Variants in ARID5B observed in about 807,000 individuals in gnomAD.
ARID5B encodes AT-rich interactive domain-containing protein 5B.
In ARID5B, 13 loss-of-function variants were observed where a neutral mutation model predicts 97.2. That is an observed-to-expected ratio of 0.13 (90% CI 0.09 to 0.21). The LOEUF is 0.21. Ranked by LOEUF, ARID5B falls within the 10% of genes least tolerant of loss-of-function variation. ARID5B has a pLI of 1.00. For synonymous variants in ARID5B, 556 were observed against 570.3 expected (o/e 0.97, Z 0.36); for missense variants, 1,210 against 1,465.3 (o/e 0.83, Z 2.84).
At chr10:61,970,929 A>T (rs998637513) in intron 3 of ARID5B, among the ~76,000 whole-genome samples, 1 of 151,996 alleles carries the variant, frequency 6.6e-6, no homozygotes, top group East Asian at 1.9e-4. Flanking sequence ...ATTTTTCTGT[A>T]AGTAGATTGA....
At chr10:61,955,406 C>A (rs547548341) in intron 3 of ARID5B, among the ~76,000 whole-genome samples, 3 of 152,124 alleles carry the variant, frequency 2.0e-5, no homozygotes, top group Non-Finnish European at 4.4e-5. Context: ...AATTTCATGA[C>A]CATGTCTTGA....
Position 62,091,590 on chromosome 10 carries a change from T to C in ARID5B, c.2127T>C (p.Pro709=). ...GGGCCAGCCTCTCCAGCAGCTACCC[T>C]TATGGCTCCCCACCCCCTTTGATCA... ...VSGASLSSSY[P]YGSPPPLISK... The change falls in exon 10 of 10, where the codon CCT becomes CCC. Residue 709 remains proline, a synonymous_variant. Transcript: ENST00000279873. The C allele has an allele frequency of 1.2e-6, 2 of 1,612,940 alleles. No homozygotes were observed. The highest frequency in any genetic ancestry group is 1.7e-6 in the Non-Finnish European group (2 of 1,179,542).
chr10:61,934,995 A>C (rs1257555599), intron 2 of ARID5B, among the ~76,000 whole-genome samples: 1 of 151,482 alleles, frequency 6.6e-6, no homozygotes, highest in Non-Finnish European at 1.5e-5. Context: ...CCTGGGCAAC[A>C]GAGCAAGACT....
At chr10:61,938,710 G>A (rs921262443) in intron 2 of ARID5B, among the ~76,000 whole-genome samples, 1 of 152,070 alleles carries the variant, frequency 6.6e-6, no homozygotes, top group Non-Finnish European at 1.5e-5. Context: ...CTCCCATTTA[G>A]TGGTAGTTCA....
At chr10:61,955,237 C>T (rs1213672954) in intron 3 of ARID5B, among the ~76,000 whole-genome samples, 1 of 152,144 alleles carries the variant, frequency 6.6e-6, no homozygotes, top group Non-Finnish European at 1.5e-5. Context: ...AGTGGCCCTG[C>T]TTTGGACCTC....
At chr10:62,033,071 G>C (rs1296242272) in intron 4 of ARID5B, among the ~76,000 whole-genome samples, 1 of 152,184 alleles carries the variant, frequency 6.6e-6, no homozygotes, top group African/African-American at 2.4e-5. Context: ...TGGCCTACCA[G>C]ATTAAATTCT....
chr10:62,049,129 T>C (rs1315133513), intron 4 of ARID5B: 3 of 1,162,064 alleles, frequency 2.6e-6, no homozygotes, highest in East Asian at 4.2e-5. Context: ...GGCATCGTGC[T>C]CTGACAAGGA....
At chr10:61,902,018 T>G in intron 1 of ARID5B, 141 bp from the exon 2 acceptor site, 1 of 993,098 alleles carries the variant, frequency 1.0e-6, no homozygotes, top group Non-Finnish European at 1.5e-6. Flanking sequence ...TTGTGGGTGC[T>G]ATTATTTTTC....
In ARID5B at chr10:62,076,609, T is replaced by TA. The variant is rs201254325; in HGVS notation, c.1199+6820dup. On this transcript the variant is annotated intron_variant, in intron 8 of 9. Coordinates refer to ENST00000279873, the MANE Select transcript of ARID5B (RefSeq NM_032199.3). ...TCTATAAAAACTAGTTTTATGTAATTAAAAAAAATAAGTTCAACAGGGATC... is the reference window on the plus strand; with the variant it reads ...TCTATAAAAACTAGTTTTATGTAATTAAAAAAAAATAAGTTCAACAGGGATC... Among the ~76,000 whole-genome samples the TA allele has an allele frequency of 3.5e-3, 522 of 147,982 alleles. 2 individuals are homozygous for TA. The highest frequency in any genetic ancestry group is 0.011 in the African/African-American group (435 of 40,510).
At position 62,070,742 on chromosome 10, in the gene ARID5B, T is replaced by C. The variant is rs138784370; in HGVS notation, c.1199+945T>C. The stretch of plus-strand genomic sequence containing the variant: ...ACAAAGTATTCCCAAAGGATTGCCT[T>C]ACTTGGCAGGGTTGTAATTCAGAAG... On this transcript the variant is annotated intron_variant, in intron 8 of 9. Coordinates refer to ENST00000279873, the MANE Select transcript of ARID5B (RefSeq NM_032199.3). Among the ~76,000 whole-genome samples the C allele has an allele frequency of 3.1e-3, 477 of 152,370 alleles. 2 individuals are homozygous for C. Among genetic ancestry groups the C allele is most frequent in the Middle Eastern group, 0.031 (9 of 294 alleles).
intron 3 of ARID5B, among the ~76,000 whole-genome samples, chr10:61,996,732 G>A (rs57443059): frequency 0.12 from 18,498 of 151,856 alleles, 1,392 homozygotes; most frequent in African/African-American, 0.21. Context: ...TCTGTTTCTC[G>A]TATTTTTAGT....
chr10:61,935,300 C>A (rs536291682), intron 2 of ARID5B, among the ~76,000 whole-genome samples: 1 of 152,192 alleles, frequency 6.6e-6, no homozygotes, highest in South Asian at 2.1e-4. Flanking sequence ...AAAATTGAAA[C>A]AAACCAGATG....
intron 3 of ARID5B, among the ~76,000 whole-genome samples, chr10:61,964,089 G>C (rs1230305000): frequency 1.3e-5 from 2 of 152,108 alleles, no homozygotes; most frequent in Non-Finnish European, 2.9e-5. Context: ...GTAGTGGGGA[G>C]AGAATCAACA....
intron 4 of ARID5B, among the ~76,000 whole-genome samples, chr10:62,006,278 C>A (rs775699647): frequency 6.6e-6 from 1 of 152,100 alleles, no homozygotes; most frequent in Non-Finnish European, 1.5e-5. Flanking sequence ...CTCTTCTCTA[C>A]TAAAAATACA....
At chr10:62,038,744 A>G (rs1839596506) in intron 4 of ARID5B, among the ~76,000 whole-genome samples, 1 of 152,224 alleles carries the variant, frequency 6.6e-6, no homozygotes, top group Non-Finnish European at 1.5e-5. Flanking sequence ...TTTCTATCCA[A>G]GATGAATGTT....
intron 9 of ARID5B, among the ~76,000 whole-genome samples, chr10:62,087,115 C>T (rs527842573): frequency 2.6e-5 from 4 of 151,452 alleles, no homozygotes; most frequent in Non-Finnish European, 5.9e-5. Context: ...CTGGCTAATA[C>T]GGTAAAACCC....
chr10:62,020,241 A>G (rs1263823809), intron 4 of ARID5B, among the ~76,000 whole-genome samples: 2 of 152,242 alleles, frequency 1.3e-5, no homozygotes, highest in Admixed American at 6.5e-5. Flanking sequence ...AGGGCGTGCC[A>G]GAAAGTTTTA....
Position 62,000,409 on chromosome 10 carries a change from G to A in ARID5B, c.733+88G>A, listed in dbSNP as rs1275581807. The stretch of plus-strand genomic sequence containing the variant: ...CTTCTGAAGAGCGGTGATGGGGAAC[G>A]GGGCTCACTTTCACAAGCCCCATGT... On this transcript the variant is annotated intron_variant, in intron 4 of 9. Transcript: ENST00000279873. The surrounding 1 kb of genome is among the most constrained non-coding windows in gnomAD (Gnocchi z 4.4). The A allele has an allele frequency of 4.0e-6, 5 of 1,258,856 alleles. No homozygotes were observed. Among genetic ancestry groups the A allele is most frequent in the Admixed American group, 2.3e-5 (1 of 43,516 alleles). The allele number at this position is 1,258,856 out of a possible 1,614,324, so 78.0% of individuals were successfully genotyped here.
intron 4 of ARID5B, among the ~76,000 whole-genome samples, chr10:62,027,666 GTA>G (rs1839440247): frequency 1.3e-5 from 2 of 151,944 alleles, no homozygotes. Context: ...CAGCCGGGCA[GTA>G]TGCACCTTTT....
Sources: gnomAD v4.1 joint callset for allele counts (sites outside exome capture counted in the v4.1 genomes callset) on GRCh38, gnomAD v4.1.1 for gene constraint, Gnocchi (gnomAD v3.1) non-coding constraint, MANE v1.5 for transcripts, NCBI Gene and HGNC (gene_info 2026-07-23, HGNC 2026-07-21) for gene names.